Variants in CLEC16A observed in about 807,000 individuals in gnomAD.
CLEC16A encodes C-type lectin domain containing 16A, also known as protein CLEC16A.
Under a neutral mutation model 109.5 loss-of-function variants are expected in CLEC16A, and 51 were observed. The ratio of observed to expected loss-of-function variants is 0.47; its 90% confidence interval spans 0.37 to 0.59. The LOEUF (loss-of-function observed/expected upper bound fraction) is 0.59. Among genes scored for constraint, CLEC16A ranks in the 20% least tolerant of loss-of-function variants. CLEC16A has a pLI of 0.00. For synonymous variants in CLEC16A, 673 were observed against 564.2 expected (o/e 1.19, Z -2.73); for missense variants, 1,339 against 1,394.0 (o/e 0.96, Z 0.63).
At chr16:11,045,150 T>A (rs1487710026) in intron 16 of CLEC16A, among the ~76,000 whole-genome samples, 1 of 151,748 alleles carries the variant, frequency 6.6e-6, no homozygotes, top group Non-Finnish European at 1.5e-5. Context: ...CCAAGACCAT[T>A]CTGGCTAACA....
chr16:10,949,419 T>C (rs545499820), intron 1 of CLEC16A, among the ~76,000 whole-genome samples: 17 of 151,536 alleles, frequency 1.1e-4, no homozygotes, highest in Non-Finnish European at 2.1e-4. Flanking sequence ...ACGGGGTGAG[T>C]CGTTGTTACC....
At chr16:11,108,104 A>G (rs1378875276) in intron 19 of CLEC16A, among the ~76,000 whole-genome samples, 1 of 152,206 alleles carries the variant, frequency 6.6e-6, no homozygotes, top group Non-Finnish European at 1.5e-5. Flanking sequence ...CTGATTCCCC[A>G]AGTGTCCAGC....
At chr16:11,127,527 A>G (rs954147756) in intron 22 of CLEC16A, among the ~76,000 whole-genome samples, 3 of 152,176 alleles carry the variant, frequency 2.0e-5, no homozygotes, top group Non-Finnish European at 4.4e-5. Context: ...AAAACAGTAC[A>G]CCAATTCACT....
At chr16:11,017,999 TAAAAAA>T (rs34526192) in intron 11 of CLEC16A, among the ~76,000 whole-genome samples, 15 of 138,798 alleles carry the variant, frequency 1.1e-4, no homozygotes, top group African/African-American at 3.4e-4. Flanking sequence ...AAAGAGGTAT[TAAAAAA>T]AAAAAAAAAA....
intron 13 of CLEC16A, among the ~76,000 whole-genome samples, chr16:11,037,221 G>A (rs77177653): frequency 0.026 from 3,972 of 152,302 alleles, 115 homozygotes; most frequent in Middle Eastern, 0.14. Context: ...CCAAGAGGAC[G>A]GGCCCCCTGT....
chr16:11,114,333 A>G (rs907119512), intron 19 of CLEC16A, among the ~76,000 whole-genome samples: 10 of 152,072 alleles, frequency 6.6e-5, no homozygotes, highest in African/African-American at 2.4e-4. Context: ...ATAGAATCCT[A>G]AGCCCCACCC....
intron 11 of CLEC16A, among the ~76,000 whole-genome samples, chr16:11,006,870 GTAATGGGTGACTC>G (rs1373921898): frequency 2.1e-5 from 3 of 142,272 alleles, no homozygotes; most frequent in Non-Finnish European, 4.7e-5. Flanking sequence ...CAGGTCCCAA[GTAATGGGTGACTC>G]ATTCTGCAAC....
intron 23 of CLEC16A, among the ~76,000 whole-genome samples, chr16:11,175,009 C>G (rs890604908): frequency 1.3e-5 from 2 of 152,238 alleles, no homozygotes; most frequent in Non-Finnish European, 2.9e-5. Context: ...TGCTGGGAGC[C>G]TTTGCCTTCT....
intron 13 of CLEC16A, among the ~76,000 whole-genome samples, chr16:11,029,522 G>A (rs571529276): frequency 5.9e-5 from 9 of 152,216 alleles, no homozygotes; most frequent in East Asian, 3.9e-4. Context: ...GCTGAGGCCC[G>A]GATACTCTCA....
In CLEC16A at chr16:11,178,425, A is replaced by G; in HGVS notation, c.2897A>G (p.Lys966Arg). Residue 966 changes from lysine (K) to arginine (R), a missense_variant, in exon 24 of 24, where the codon AAG (lysine) becomes AGG (arginine). Transcript: ENST00000409790. This position sits in a 1 kb window ranked among gnomAD's most constrained non-coding sequence, Gnocchi z 6.5. The stretch of plus-strand genomic sequence containing the variant: ...ACGGAAGCAGACTCTAAGCCCAGCA[A>G]GAACGTGGCCAGGAGCGCAGCCGTG... ...NETEADSKPS[K>R]NVARSAAVET... 1.2e-6 allele frequency: 2 copies of G among 1,613,712 alleles called. No homozygotes were observed. Among genetic ancestry groups the G allele is most frequent in the Non-Finnish European group, 1.7e-6 (2 of 1,179,870 alleles).
intron 19 of CLEC16A, among the ~76,000 whole-genome samples, chr16:11,105,987 C>G (rs2051196353): frequency 6.6e-6 from 1 of 152,134 alleles, no homozygotes; most frequent in African/African-American, 2.4e-5. Context: ...CCATTCAAAT[C>G]CTTGCTATTC....
chr16:11,166,360 C>G (rs45553539), intron 22 of CLEC16A, 28 bp from the exon 23 acceptor site: 113 of 1,575,040 alleles, frequency 7.2e-5, no homozygotes, highest in Non-Finnish European at 8.9e-5. Context: ...TTTGCTTCCA[C>G]TTGGTCACCT....
At chr16:11,011,268 A>T (rs903887129) in intron 11 of CLEC16A, among the ~76,000 whole-genome samples, 2 of 152,180 alleles carry the variant, frequency 1.3e-5, no homozygotes, top group African/African-American at 4.8e-5. Flanking sequence ...CACGTTCAAC[A>T]TTCTCTCTGT....
intron 22 of CLEC16A, 77 bp from the exon 23 acceptor site, chr16:11,166,311 T>C (rs2068257497): frequency 3.4e-6 from 5 of 1,468,984 alleles, no homozygotes; most frequent in Non-Finnish European, 4.6e-6. Context: ...GGTTGGGTTG[T>C]TCAGTGGAAC....
chr16:11,062,114 T>A (rs890762088), intron 19 of CLEC16A, among the ~76,000 whole-genome samples: 1 of 149,130 alleles, frequency 6.7e-6, no homozygotes, highest in Non-Finnish European at 1.5e-5. Context: ...TTGTCTAAGC[T>A]GGGGTCGCAT....
chr16:10,999,879 C>A (rs2044561997), intron 10 of CLEC16A, among the ~76,000 whole-genome samples: 1 of 152,176 alleles, frequency 6.6e-6, no homozygotes, highest in South Asian at 2.1e-4. Context: ...CTGTTGTGCC[C>A]AGGCTGGAGT....
chr16:11,039,792 G>T lies in CLEC16A; in HGVS notation c.1576G>T (p.Val526Leu). The T allele has an allele frequency of 3.7e-6, 6 of 1,608,302 alleles. No individual in the cohort carries two copies. Among genetic ancestry groups the T allele is most frequent in the Non-Finnish European group, 5.1e-6 (6 of 1,177,538 alleles). Reference sequence around the variant, plus strand: ...AAAATTAGAGCGAATCCAGCTCCCCGTGCCAAATGCGGCCGAGAAGACCAC... The same window carrying T: ...AAAATTAGAGCGAATCCAGCTCCCCTTGCCAAATGCGGCCGAGAAGACCAC... ...PEKLERIQLP[V>L]PNAAEKTTYN... Residue 526 changes from valine (V) to leucine (L), a missense_variant, in exon 14 of 24, where the codon GTG (valine) becomes TTG (leucine). This residue lies in a region of CLEC16A where 1,061 missense variants were observed against 1,006.8 expected (regional missense o/e 1.05). Transcript: ENST00000409790.
Position 11,140,341 on chromosome 16 carries a change from A to G in CLEC16A, c.2641+14195A>G, listed in dbSNP as rs1254586290. The stretch of plus-strand genomic sequence containing the variant: ...GTGTGGATGGAATGAGCCTTCCTCA[A>G]AAACCCCCACCACCGCTCTTAGTAA... On this transcript the variant is annotated intron_variant, in intron 22 of 23. Coordinates refer to ENST00000409790, the MANE Select transcript of CLEC16A (RefSeq NM_015226.3). Among the ~76,000 whole-genome samples the G allele has an allele frequency of 2.6e-5, 4 of 152,158 alleles. No homozygotes were observed. In the East Asian group the frequency reaches 5.8e-4, roughly 22 times the overall value.
At chr16:11,108,223 C>G (rs890375895) in intron 19 of CLEC16A, among the ~76,000 whole-genome samples, 3 of 152,246 alleles carry the variant, frequency 2.0e-5, no homozygotes, top group African/African-American at 7.2e-5. Context: ...GCCCAAGGGG[C>G]GGACACCCAG....
Sources: allele counts gnomAD v4.1 joint callset (sites outside exome capture counted in the v4.1 genomes callset), GRCh38; gene constraint gnomAD v4.1.1; regional missense constraint gnomAD v4.1.1; non-coding constraint Gnocchi (gnomAD v3.1); transcripts MANE v1.5; gene names NCBI Gene and HGNC (gene_info 2026-07-23, HGNC 2026-07-21).